The following ACOXL variants were observed in gnomAD, a reference collection of about 807,000 sequenced individuals.
The protein encoded by ACOXL is acyl-CoA oxidase like.
Under a neutral mutation model 71.9 loss-of-function variants are expected in ACOXL, and 70 were observed. The observed-to-expected ratio is 0.97, with a 90% confidence interval of 0.80 to 1.19. The LOEUF (loss-of-function observed/expected upper bound fraction) is 1.19, where lower values mean the gene tolerates loss of function less well. Among genes scored for constraint, ACOXL ranks in the 50% most tolerant of loss-of-function variants. The probability of loss-of-function intolerance (pLI) is 0.00; values close to 1 mark genes in which losing one functional copy is unlikely to be tolerated. For missense variants in ACOXL, 703 were observed against 736.3 expected (o/e 0.95, Z 0.52); for synonymous variants, 253 against 281.6 (o/e 0.90, Z 1.02).
chr2:110,923,360 G>A (rs2060149853), intron 11 of ACOXL, among the ~76,000 whole-genome samples: 1 of 151,682 alleles, frequency 6.6e-6, no homozygotes, highest in South Asian at 2.1e-4. Flanking sequence ...TTGGTCGTAG[G>A]GCCCATCTCC....
chr2:110,749,903 ATGACCTGGCTGT>A (rs1678702471), intron 1 of ACOXL, among the ~76,000 whole-genome samples: 1 of 152,134 alleles, frequency 6.6e-6, no homozygotes, highest in Admixed American at 6.5e-5. Context: ...CATGCTTTCC[ATGACCTGGCTGT>A]TTTGAAGAGT....
At position 110,770,569 on chromosome 2, in the gene ACOXL, G is replaced by A. The variant is rs536044266; in HGVS notation, c.75+2105G>A. Among the ~76,000 whole-genome samples, 11 of 152,256 alleles carry A rather than the reference G, an allele frequency of 7.2e-5. No individual in the cohort carries two copies. In the East Asian group the frequency reaches 1.2e-3, roughly 16 times the overall value. The stretch of plus-strand genomic sequence containing the variant: ...ACAAAGTGGAGCGTGCTTGCGAAGC[G>A]TAAAAAATCATTTCATACCAAGTAG... On this transcript the variant is annotated intron_variant, in intron 2 of 17. Coordinates refer to ENST00000439055, the MANE Select transcript of ACOXL (RefSeq NM_001142807.4).
At chr2:110,886,733 G>A (rs1218037897) in intron 10 of ACOXL, 13 of 1,549,996 alleles carry the variant, frequency 8.4e-6, no homozygotes, top group African/African-American at 6.9e-5. Flanking sequence ...TTAGCCTTGC[G>A]GAAGAACTGA....
At chr2:110,887,650 G>C (rs1261932812) in intron 10 of ACOXL, 2 of 152,192 alleles carry the variant, frequency 1.3e-5, no homozygotes, top group African/African-American at 2.4e-5. Flanking sequence ...TGTAGAGATG[G>C]AGCCTTACCC....
intron 12 of ACOXL, among the ~76,000 whole-genome samples, chr2:110,941,146 T>C (rs2060853628): frequency 6.6e-6 from 1 of 152,220 alleles, no homozygotes; most frequent in Non-Finnish European, 1.5e-5. Context: ...GACTGCTGAT[T>C]AAGAATCATT....
At chr2:110,775,666 A>G (rs998257825) in intron 2 of ACOXL, among the ~76,000 whole-genome samples, 1 of 152,238 alleles carries the variant, frequency 6.6e-6, no homozygotes, top group African/African-American at 2.4e-5. Flanking sequence ...ATCATTAGGC[A>G]AATACAAATC....
At chr2:111,006,070 A>T (rs1347177337) in intron 14 of ACOXL, among the ~76,000 whole-genome samples, 1 of 152,228 alleles carries the variant, frequency 6.6e-6, no homozygotes, top group Non-Finnish European at 1.5e-5. Context: ...CAAAGACAGG[A>T]AATAAAATTA....
chr2:110,803,961 A>T (rs1305274453), intron 8 of ACOXL, among the ~76,000 whole-genome samples: 3 of 151,286 alleles, frequency 2.0e-5, no homozygotes, highest in African/African-American at 7.3e-5. Context: ...CACTGTGAAT[A>T]CCACTCTGCA....
At chr2:110,915,810 T>C (rs953547487) in intron 11 of ACOXL, among the ~76,000 whole-genome samples, 7 of 152,106 alleles carry the variant, frequency 4.6e-5, no homozygotes, top group Non-Finnish European at 1.0e-4. Flanking sequence ...ATATGGAATA[T>C]TGATTTTTAA....
At chr2:110,841,343 A>G (rs1691152815) in intron 9 of ACOXL, 28 bp from the exon 10 acceptor site, 1 of 1,574,824 alleles carries the variant, frequency 6.3e-7, no homozygotes, top group African/African-American at 1.3e-5. Flanking sequence ...ATATTACTTA[A>G]TTTGTTTTTC....
chr2:110,967,931 G>A (rs2062004000), intron 12 of ACOXL: 6 of 955,798 alleles, frequency 6.3e-6, no homozygotes, highest in South Asian at 2.6e-5. Context: ...TACTATGCTC[G>A]GAAATACTTG....
At chr2:111,032,743 A>G (rs1342576174) in intron 15 of ACOXL, among the ~76,000 whole-genome samples, 2 of 152,042 alleles carry the variant, frequency 1.3e-5, no homozygotes, top group Admixed American at 1.3e-4. Context: ...ATGGCCAGGA[A>G]CCTAGGAGTG....
intron 1 of ACOXL, among the ~76,000 whole-genome samples, chr2:110,758,460 T>G (rs1303304584): frequency 6.6e-6 from 1 of 152,218 alleles, no homozygotes; most frequent in Non-Finnish European, 1.5e-5. Flanking sequence ...TGAATAGCAT[T>G]GAATCTATAC....
At chr2:111,108,144 TTTTC>T (rs371243130) in intron 17 of ACOXL, among the ~76,000 whole-genome samples, 1,733 of 152,190 alleles carry the variant, frequency 0.011, 13 homozygotes, top group Middle Eastern at 0.034. Flanking sequence ...GCAAGATAAG[TTTTC>T]TTTAAGAGAT....
chr2:110,829,138 G>A (rs1037697210), intron 9 of ACOXL, among the ~76,000 whole-genome samples: 1 of 152,138 alleles, frequency 6.6e-6, no homozygotes, highest in East Asian at 1.9e-4. Flanking sequence ...GTCTGTTTTG[G>A]GGGCTTTGGA....
intron 14 of ACOXL, among the ~76,000 whole-genome samples, chr2:111,025,663 C>T (rs1354024281): frequency 2.6e-5 from 4 of 152,140 alleles, no homozygotes; most frequent in Non-Finnish European, 5.9e-5. Context: ...TTTTGTTTTC[C>T]TGTGACTGAG....
At chr2:111,109,773 G>C (rs1016109779) in intron 17 of ACOXL, among the ~76,000 whole-genome samples, 1 of 137,980 alleles carries the variant, frequency 7.2e-6, no homozygotes, top group Non-Finnish European at 1.5e-5. Context: ...CTGCCTCCCA[G>C]GTTCAAGCAA....
At chr2:110,854,233 G>T (rs56322827) in intron 10 of ACOXL, among the ~76,000 whole-genome samples, 1 of 152,182 alleles carries the variant, frequency 6.6e-6, no homozygotes, top group African/African-American at 2.4e-5. Context: ...GGGAAGAAGA[G>T]ATTTGCAGGC....
chr2:110,793,740 T>C lies in ACOXL; in HGVS notation c.246+4T>C, dbSNP rs946391602. The C allele has an allele frequency of 1.7e-5, 27 of 1,612,456 alleles. No individual in the cohort carries two copies. Among genetic ancestry groups the C allele is most frequent in the Admixed American group, 1.7e-4 (10 of 60,008 alleles). On this transcript the variant is annotated splice_donor_region_variant and intron_variant, in intron 4 of 17. Coordinates refer to ENST00000439055, the MANE Select transcript of ACOXL (RefSeq NM_001142807.4). ...TAAGTGGTTTCAGCCACTCCAGGTATGGTATTTTCCTCAACATTGGTCTTC... is the reference window on the plus strand; with the variant it reads ...TAAGTGGTTTCAGCCACTCCAGGTACGGTATTTTCCTCAACATTGGTCTTC...
Sources: allele counts gnomAD v4.1 joint callset (sites outside exome capture counted in the v4.1 genomes callset), GRCh38; gene constraint gnomAD v4.1.1; transcripts MANE v1.5; gene names NCBI Gene and HGNC (gene_info 2026-07-23, HGNC 2026-07-21).